Variants in NECTIN3 observed in about 807,000 individuals in gnomAD.
NECTIN3 encodes the protein nectin cell adhesion molecule 3.
In NECTIN3, 8 loss-of-function variants were observed where a neutral mutation model predicts 49.4. The observed-to-expected ratio is 0.16, with a 90% CI of 0.10 to 0.29. The LOEUF is 0.29. NECTIN3 is among the 10% of genes least tolerant of loss of function. The probability of loss-of-function intolerance (pLI) is 1.00; values close to 1 mark genes in which losing one functional copy is unlikely to be tolerated. For synonymous variants in NECTIN3, 277 were observed against 241.1 expected (o/e 1.15, Z -1.38); for missense variants, 581 against 654.6 (o/e 0.89, Z 1.23).
chr3:111,179,108 G>A (rs2035583265), intron 7 of NECTIN3, among the ~76,000 whole-genome samples: 1 of 152,196 alleles, frequency 6.6e-6, no homozygotes, highest in African/African-American at 2.4e-5. Context: ...TTTTACCTAA[G>A]CTAAGCCTAA....
At chr3:111,149,459 A>ATG (rs56219611) in intron 7 of NECTIN3, among the ~76,000 whole-genome samples, 16,712 of 128,228 alleles carry the variant, frequency 0.13, 1,047 homozygotes, top group Middle Eastern at 0.21. Context: ...TTCTGGTAGG[A>ATG]TGTGTGTGTG....
At chr3:111,192,313 G>A, upstream of NECTIN3, 1 of 1,500,686 alleles carries the variant, frequency 6.7e-7, no homozygotes, top group Non-Finnish European at 9.0e-7. Flanking sequence ...GTTTTGCCAT[G>A]TGTTTTACAG....
intron 5 of NECTIN3, among the ~76,000 whole-genome samples, chr3:111,142,813 C>T (rs1477956015): frequency 2.6e-5 from 4 of 151,600 alleles, no homozygotes; most frequent in Non-Finnish European, 5.9e-5. Context: ...AAAACCTTTA[C>T]GGTATTAACA....
At chr3:111,113,163 C>G (rs2033545369) in intron 2 of NECTIN3, among the ~76,000 whole-genome samples, 1 of 152,066 alleles carries the variant, frequency 6.6e-6, no homozygotes, top group African/African-American at 2.4e-5. Context: ...TGACCTCAGG[C>G]CAGTGACTAA....
At chr3:111,124,248 T>A (rs1025699302) in intron 4 of NECTIN3, among the ~76,000 whole-genome samples, 5 of 152,318 alleles carry the variant, frequency 3.3e-5, no homozygotes, top group African/African-American at 1.2e-4. Context: ...TATGTCTTTT[T>A]TGAGTAAATC....
chr3:111,112,285 G>A lies in NECTIN3; in HGVS notation c.416G>A (p.Gly139Glu). The change falls in exon 2 of 6, where the codon GGA becomes GAA. Residue 139 changes from glycine to glutamate, a missense_variant. Physicochemically the swap from Gly to Glu is moderately conservative, Grantham distance 98. This residue lies in a region of NECTIN3 where 234 missense variants were observed against 340.6 expected (regional missense o/e 0.69). Coordinates refer to ENST00000485303, the MANE Select transcript of NECTIN3 (RefSeq NM_015480.3). ...NDATITLHNI[G>E]FSDSGKYICK... ...GCAACAATTACTCTGCATAACATAGGATTCTCTGATTCTGGAAAATACATC... is the reference window on the plus strand; with the variant it reads ...GCAACAATTACTCTGCATAACATAGAATTCTCTGATTCTGGAAAATACATC... The A allele has an allele frequency of 6.2e-7, 1 of 1,613,718 alleles. No individual in the cohort carries two copies. Among genetic ancestry groups the A allele is most frequent in the Non-Finnish European group, 8.5e-7 (1 of 1,179,814 alleles).
At chr3:111,119,019 GA>G in intron 3 of NECTIN3, 67 bp downstream of exon 3, 1 of 1,319,502 alleles carries the variant, frequency 7.6e-7, no homozygotes, top group Non-Finnish European at 1.0e-6. Context: ...TTTTTAGTTT[GA>G]ATATTTAATA....
rs2035704520 is a variant in NECTIN3 at position 111,185,553 on chromosome 3, A to G, written c.1222-6798A>G. Among the ~76,000 whole-genome samples the G allele has an allele frequency of 2.6e-5, 4 of 152,236 alleles. No homozygotes were observed. The South Asian group carries it at 8.3e-4, about 32-fold the overall frequency. On this transcript the variant is annotated intron_variant, in intron 7 of 8. Transcript: ENST00000493615. ...CAGTATAAGGAAGAAGCATTAGGGC[A>G]AGATATATCAATCAAATGAAACTTT...
At chr3:111,075,574 C>G (rs192724608) in intron 1 of NECTIN3, among the ~76,000 whole-genome samples, 54 of 152,118 alleles carry the variant, frequency 3.5e-4, no homozygotes, top group African/African-American at 8.9e-4. Flanking sequence ...ACTAACCAGG[C>G]TGGTATTAGT....
chr3:111,092,525 T>A (rs1475641537), intron 1 of NECTIN3, among the ~76,000 whole-genome samples: 6 of 152,176 alleles, frequency 3.9e-5, no homozygotes, highest in African/African-American at 1.4e-4. Flanking sequence ...GATATCTAGT[T>A]GTTGCAGGAC....
downstream of NECTIN3, among the ~76,000 whole-genome samples, chr3:111,138,595 A>C (rs1298022388): frequency 2.6e-5 from 4 of 151,494 alleles, no homozygotes; most frequent in Admixed American, 6.6e-5. Context: ...TATTTTCTTG[A>C]ACCTTCGTGA....
intron 7 of NECTIN3, among the ~76,000 whole-genome samples, chr3:111,176,751 T>C (rs1242661587): frequency 6.6e-6 from 1 of 152,094 alleles, no homozygotes; most frequent in Non-Finnish European, 1.5e-5. Flanking sequence ...TGTAAAAATA[T>C]GTTCAAGAGA....
intron 4 of NECTIN3, among the ~76,000 whole-genome samples, chr3:111,123,499 G>T (rs570670978): frequency 6.6e-6 from 1 of 152,080 alleles, no homozygotes; most frequent in African/African-American, 2.4e-5. Context: ...TATTTTCCTG[G>T]AGAGGCTCCA....
At chr3:111,104,339 G>C (rs1324284320) in intron 1 of NECTIN3, among the ~76,000 whole-genome samples, 14 of 124,794 alleles carry the variant, frequency 1.1e-4, no homozygotes, top group African/African-American at 4.2e-4. Context: ...TTTTTTTTGA[G>C]GGAGAGGATC....
intron 1 of NECTIN3, among the ~76,000 whole-genome samples, chr3:111,092,684 G>GT (rs2032346772): frequency 6.6e-6 from 1 of 152,092 alleles, no homozygotes; most frequent in South Asian, 2.1e-4. Flanking sequence ...GTTTTGATTA[G>GT]TTTCAGTCAC....
At chr3:111,170,593 G>A (rs1026185394) in intron 7 of NECTIN3, among the ~76,000 whole-genome samples, 3 of 152,306 alleles carry the variant, frequency 2.0e-5, no homozygotes, top group Admixed American at 2.0e-4. Context: ...GGCATTTATA[G>A]CAAAGGAGCA....
chr3:111,139,838 A>AT (rs1440251367), downstream of NECTIN3, among the ~76,000 whole-genome samples: 3 of 151,842 alleles, frequency 2.0e-5, no homozygotes, highest in Non-Finnish European at 4.4e-5. Context: ...ATTATAAAAT[A>AT]TTCAAAAATG....
chr3:111,192,488 G>A, intron 1 of NECTIN3: 1 of 1,308,622 alleles, frequency 7.6e-7, no homozygotes. Flanking sequence ...TCATTTAATT[G>A]TATACAAGTT....
At chr3:111,154,539 A>G (rs981667377) in intron 7 of NECTIN3, among the ~76,000 whole-genome samples, 1 of 152,176 alleles carries the variant, frequency 6.6e-6, no homozygotes, top group Non-Finnish European at 1.5e-5. Flanking sequence ...AATGGATCAT[A>G]TGGTAAGTAT....
Sources: allele counts gnomAD v4.1 joint callset (sites outside exome capture counted in the v4.1 genomes callset), GRCh38; gene constraint gnomAD v4.1.1; regional missense constraint gnomAD v4.1.1; transcripts MANE v1.5; gene names NCBI Gene and HGNC (gene_info 2026-07-23, HGNC 2026-07-21).